The following LIPC variants were observed in gnomAD, a reference collection of about 807,000 sequenced individuals.
LIPC encodes lipase C, hepatic type.
In LIPC, 44 loss-of-function variants were observed where a neutral mutation model predicts 50.7. That is an observed-to-expected ratio of 0.87 (90% CI 0.68 to 1.11). LIPC has a LOEUF of 1.11. LIPC is among the 50% of genes most tolerant of loss of function. The probability of loss-of-function intolerance (pLI) is 0.00; values close to 1 mark genes in which losing one functional copy is unlikely to be tolerated. For missense variants in LIPC, 697 were observed against 648.2 expected (o/e 1.08, Z -0.82); for synonymous variants, 271 against 256.4 (o/e 1.06, Z -0.54).
At chr15:58,562,358 A>G (rs1894194762) in intron 7 of LIPC, among the ~76,000 whole-genome samples, 1 of 152,206 alleles carries the variant, frequency 6.6e-6, no homozygotes, top group Admixed American at 6.5e-5. Flanking sequence ...GGTGTTCCCA[A>G]GAGGTCCCAA....
At chr15:58,471,186 G>A (rs1894783279) in intron 1 of LIPC, among the ~76,000 whole-genome samples, 1 of 146,226 alleles carries the variant, frequency 6.8e-6, no homozygotes, top group South Asian at 2.2e-4. Context: ...ACCCAGGCTG[G>A]AATACAGTGG....
chr15:58,517,322 T>C (rs1166018937), intron 1 of LIPC, among the ~76,000 whole-genome samples: 5 of 152,254 alleles, frequency 3.3e-5, no homozygotes, highest in Non-Finnish European at 1.5e-5. Context: ...CTCTCCACTA[T>C]GTGGCACAGC....
At chr15:58,436,840 T>A (rs1258491654) in intron 1 of LIPC, 1 of 456,184 alleles carries the variant, frequency 2.2e-6, no homozygotes, top group Non-Finnish European at 4.4e-6. Flanking sequence ...GCTTTCCTTG[T>A]ACAATAGCAG....
chr15:58,509,597 C>A (rs1432454160), intron 1 of LIPC, among the ~76,000 whole-genome samples: 1 of 151,240 alleles, frequency 6.6e-6, no homozygotes, highest in Non-Finnish European at 1.5e-5. Context: ...CAAACACAAT[C>A]TTTATTCTTT....
intron 1 of LIPC, among the ~76,000 whole-genome samples, chr15:58,535,204 C>T (rs1893075571): frequency 6.6e-6 from 1 of 152,210 alleles, no homozygotes; most frequent in South Asian, 2.1e-4. Flanking sequence ...TTAATAGTTG[C>T]TTTTCAAGCT....
intron 1 of LIPC, among the ~76,000 whole-genome samples, chr15:58,442,060 C>T (rs1257101544): frequency 6.6e-6 from 1 of 152,046 alleles, no homozygotes; most frequent in African/African-American, 2.4e-5. Flanking sequence ...TTGGGGAATG[C>T]GTTTGAGGTC....
At chr15:58,562,011 G>A (rs1894181375) in intron 7 of LIPC, among the ~76,000 whole-genome samples, 2 of 152,288 alleles carry the variant, frequency 1.3e-5, no homozygotes, top group African/African-American at 4.8e-5. Context: ...CACATACAGG[G>A]CACTGTGGTA....
chr15:58,562,450 G>T lies in LIPC; in HGVS notation c.1170-1055G>T, dbSNP rs73424505. 2.4e-3 allele frequency among the ~76,000 whole-genome samples: 364 copies of T among 152,248 alleles called. 1 individual carries two copies. The highest frequency in any genetic ancestry group is 3.1e-3 in the African/African-American group (130 of 41,544). On this transcript the variant is annotated intron_variant, in intron 7 of 8. Transcript: ENST00000299022. ...ACAGATTTCCAATTTCAATCAGCCT[G>T]CTCTGCCAGCCTCCCCATCTGTCCT...
At chr15:58,502,034 G>A (rs1302787434) in intron 1 of LIPC, among the ~76,000 whole-genome samples, 1 of 152,162 alleles carries the variant, frequency 6.6e-6, no homozygotes, top group Non-Finnish European at 1.5e-5. Flanking sequence ...CCGAGGGTGA[G>A]GCTGCAGCCA....
intron 1 of LIPC, among the ~76,000 whole-genome samples, chr15:58,510,919 A>T (rs1167455310): frequency 6.6e-6 from 1 of 152,260 alleles, no homozygotes; most frequent in Non-Finnish European, 1.5e-5. Flanking sequence ...GGATAACAGC[A>T]CTTCCTTCCA....
intron 1 of LIPC, among the ~76,000 whole-genome samples, chr15:58,513,926 T>C (rs949885625): frequency 2.0e-5 from 3 of 152,198 alleles, no homozygotes; most frequent in Admixed American, 1.3e-4. Flanking sequence ...CCCCAGCCTT[T>C]GCCAAGTTCA....
intron 1 of LIPC, among the ~76,000 whole-genome samples, chr15:58,503,909 A>C (rs930875207): frequency 2.0e-5 from 3 of 152,062 alleles, no homozygotes; most frequent in Non-Finnish European, 2.9e-5. Flanking sequence ...CCACACACCC[A>C]CACCCCCACC....
At chr15:58,502,540 C>T (rs564882688) in intron 1 of LIPC, among the ~76,000 whole-genome samples, 10 of 142,542 alleles carry the variant, frequency 7.0e-5, no homozygotes, top group South Asian at 4.4e-4. Context: ...TTTATGAAAA[C>T]GTATCATTTA....
chr15:58,464,457 T>C (rs116222729), intron 1 of LIPC, among the ~76,000 whole-genome samples: 1 of 152,360 alleles, frequency 6.6e-6, no homozygotes, highest in African/African-American at 2.4e-5. Context: ...ACTTAACTAG[T>C]ACAAATAAAG....
At position 58,432,026 on chromosome 15, in the gene LIPC, C is replaced by T. The variant is rs751574296; in HGVS notation, c.-7C>T. On this transcript the variant is annotated 5_prime_UTR_variant, in exon 1 of 9. The change creates a new upstream start codon in the 5' untranslated region. Transcript: ENST00000299022. ...AAGAAAGCCTGGACCCCGGGTGAAA[C>T]GGAGAAATGGACACAAGTCCCCTGT... The T allele has an allele frequency of 1.7e-5, 28 of 1,609,228 alleles. No individual in the cohort carries two copies. Among genetic ancestry groups the T allele is most frequent in the South Asian group, 3.3e-5 (3 of 90,980 alleles).
chr15:58,548,891 G>A (rs570871228), intron 6 of LIPC, among the ~76,000 whole-genome samples: 4 of 152,306 alleles, frequency 2.6e-5, no homozygotes, highest in East Asian at 3.9e-4. Context: ...TGGGCCACCC[G>A]GATCTCACTG....
chr15:58,513,666 G>T (rs1203928496), intron 1 of LIPC, among the ~76,000 whole-genome samples: 1 of 152,176 alleles, frequency 6.6e-6, no homozygotes. Context: ...TAAACTTTTA[G>T]CACGTCCCTC....
At chr15:58,470,597 C>CT (rs5812936) in intron 1 of LIPC, among the ~76,000 whole-genome samples, 1,854 of 136,302 alleles carry the variant, frequency 0.014, 24 homozygotes, top group Non-Finnish European at 0.019. Flanking sequence ...CATTTAACTC[C>CT]TTTTTTTTTT....
Position 58,545,784 on chromosome 15 carries a change from G to C in LIPC, c.617G>C (p.Ser206Thr). ...CCTTTGTTTGAGGGAAGTGCCCCCA[G>C]CAATCGTCTTTCTCCAGATGATGCC... The part of the protein sequence containing the change: ...AGPLFEGSAP[S>T]NRLSPDDANF... The change falls in exon 5 of 9, where the codon AGC becomes ACC. Residue 206 changes from serine to threonine, a missense_variant. By Grantham distance (58) the Ser-to-Thr change is moderately conservative. Coordinates refer to ENST00000299022, the MANE Select transcript of LIPC (RefSeq NM_000236.3). The C allele has an allele frequency of 6.2e-7, 1 of 1,614,194 alleles. No individual in the cohort carries two copies. The highest frequency in any genetic ancestry group is 8.5e-7 in the Non-Finnish European group (1 of 1,180,038).
Sources: gnomAD v4.1 joint callset for allele counts (sites outside exome capture counted in the v4.1 genomes callset) on GRCh38, gnomAD v4.1.1 for gene constraint, MANE v1.5 for transcripts, NCBI Gene and HGNC (gene_info 2026-07-23, HGNC 2026-07-21) for gene names.